CENPP: variants seen among roughly 807,000 people sequenced by gnomAD.
CENPP encodes centromere protein P.
In CENPP, 24 loss-of-function variants were observed where a neutral mutation model predicts 35.6. The ratio of observed to expected loss-of-function variants is 0.67; its 90% CI spans 0.49 to 0.95. The LOEUF is 0.95. Among genes scored for constraint, CENPP ranks in the 40% least tolerant of loss-of-function variants. CENPP has a pLI of 0.00. For synonymous variants in CENPP, 120 were observed against 125.5 expected (o/e 0.96, Z 0.29); for missense variants, 332 against 345.3 (o/e 0.96, Z 0.31).
rs190326542 is a variant in CENPP at position 92,620,190 on chromosome 9, T to C, written c.*7041T>C. 3.2e-5 allele frequency: 5 copies of C among 155,908 alleles called. No homozygotes were observed. The highest frequency in any genetic ancestry group is 1.2e-4 in the African/African-American group (5 of 41,654). 9.7% of individuals were successfully genotyped at this position (155,908 alleles called of 1,614,324 possible). A position where few individuals can be genotyped will look rare whatever the true frequency, so the allele number is the denominator to read the frequency against. On this transcript the variant is annotated 3_prime_UTR_variant, in exon 8 of 8. Transcript: ENST00000375587. ...TTGTCTGTCATGCCCTGCTTGTCAA[T>C]GGCAAGGCAGGGACTCAAACCCGGT...
intron 5 of CENPP, among the ~76,000 whole-genome samples, chr9:92,556,667 G>T (rs569485815): frequency 1.3e-5 from 2 of 152,166 alleles, no homozygotes; most frequent in African/African-American, 2.4e-5. Flanking sequence ...GCTCACTTTT[G>T]GTGTCTATTT....
chr9:92,589,176 CAA>C (rs112816928), intron 5 of CENPP, among the ~76,000 whole-genome samples: 4 of 140,682 alleles, frequency 2.8e-5, no homozygotes, highest in Non-Finnish European at 1.6e-5. Flanking sequence ...AAAAATACAC[CAA>C]AAAAAAAAAA....
intron 4 of CENPP, among the ~76,000 whole-genome samples, chr9:92,352,505 G>GTGTGTGTGTGTATATATATATATATA: frequency 8.0e-5 from 4 of 49,794 alleles, no homozygotes; most frequent in Admixed American, 4.7e-4. Flanking sequence ...GTGTGTGTGT[G>GTGTGTGTGTGTATATATATATATATA]TATACATATA....
At chr9:92,326,148 T>A in intron 1 of CENPP, 43 bp downstream of exon 1, 2 of 1,312,728 alleles carry the variant, frequency 1.5e-6, no homozygotes, top group Non-Finnish European at 2.1e-6. Flanking sequence ...CTGGCCAGGG[T>A]TCCCGGGCCA....
intron 3 of CENPP, among the ~76,000 whole-genome samples, chr9:92,343,624 C>T (rs1564268959): frequency 6.6e-6 from 1 of 152,028 alleles, no homozygotes; most frequent in Non-Finnish European, 1.5e-5. Flanking sequence ...AAATCCAATA[C>T]AGGGTGCTTC....
chr9:92,538,482 C>G (rs986788986), intron 5 of CENPP, among the ~76,000 whole-genome samples: 4 of 152,026 alleles, frequency 2.6e-5, no homozygotes, highest in African/African-American at 9.7e-5. Flanking sequence ...ATAAGAATAA[C>G]TTAAAAAGAA....
At chr9:92,440,026 AAAT>A (rs1158358025) in intron 5 of CENPP, among the ~76,000 whole-genome samples, 1 of 152,142 alleles carries the variant, frequency 6.6e-6, no homozygotes, top group African/African-American at 2.4e-5. Context: ...TTCCAGAAAG[AAAT>A]AATTCATGTT....
rs149679891 is a variant in CENPP, at chr9:92,421,603, T to C, written c.564+41744T>C. Among the ~76,000 whole-genome samples, 282 of 152,366 alleles carry C rather than the reference T, an allele frequency of 1.9e-3. 2 individuals are homozygous for C. The highest frequency in any genetic ancestry group is 2.8e-3 in the Admixed American group (43 of 15,300). ...ATTCACCTAGTGTACTCTACTACTT[T>C]ACTGTATGTAAACATGCTTAGTGAA... On this transcript the variant is annotated intron_variant, in intron 5 of 7. Transcript: ENST00000375587.
chr9:92,510,051 C>A, intron 5 of CENPP: 1 of 1,584,094 alleles, frequency 6.3e-7, no homozygotes, highest in South Asian at 1.2e-5. Flanking sequence ...AAGCAAATCT[C>A]AAAGTTACTT....
chr9:92,580,691 CTTTT>C (rs1169008228), intron 5 of CENPP, among the ~76,000 whole-genome samples: 2 of 148,734 alleles, frequency 1.3e-5, no homozygotes, highest in East Asian at 4.0e-4. Flanking sequence ...ATTCTTCTCT[CTTTT>C]TTTCTTTATT....
At chr9:92,469,182 TCTGA>T (rs1395951948) in intron 5 of CENPP, among the ~76,000 whole-genome samples, 1 of 151,658 alleles carries the variant, frequency 6.6e-6, no homozygotes, top group African/African-American at 2.4e-5. Context: ...TTGTGTCATT[TCTGA>T]CTGTCTTAAT....
intron 5 of CENPP, among the ~76,000 whole-genome samples, chr9:92,550,936 C>T (rs1849574089): frequency 6.6e-6 from 1 of 152,182 alleles, no homozygotes; most frequent in Admixed American, 6.5e-5. Flanking sequence ...CTTTCCCCAG[C>T]TCCATATGAG....
intron 5 of CENPP, among the ~76,000 whole-genome samples, chr9:92,454,255 A>C (rs1844805564): frequency 6.6e-6 from 1 of 152,064 alleles, no homozygotes; most frequent in African/African-American, 2.4e-5. Context: ...ACAAACATAA[A>C]CCTCAGTGAA....
rs1841106983 is a variant in CENPP at position 92,341,216 on chromosome 9, A to G, written c.378+3587A>G. On this transcript the variant is annotated intron_variant, in intron 3 of 7. Coordinates refer to ENST00000375587, the MANE Select transcript of CENPP (RefSeq NM_001012267.3). ...TCTCAAAACCCTGTCTCCTGATAAG[A>G]TGTTATCAATGACAATGGTACCTGA... Among the ~76,000 whole-genome samples the G allele has an allele frequency of 7.9e-5, 12 of 152,308 alleles. No homozygotes were observed. In the South Asian group the frequency reaches 2.5e-3, roughly 32 times the overall value.
Position 92,394,607 on chromosome 9 carries a change from T to C in CENPP, c.564+14748T>C, listed in dbSNP as rs182760426. ...ACATGTCAAATTTTATTTTTTGAAT[T>C]TTTTTTCTTTTTTTTGAGATGAAGT... On this transcript the variant is annotated intron_variant, in intron 5 of 7. Coordinates refer to ENST00000375587, the MANE Select transcript of CENPP (RefSeq NM_001012267.3). Among the ~76,000 whole-genome samples the C allele has an allele frequency of 1.9e-3, 284 of 152,002 alleles. 2 individuals are homozygous for C. The highest frequency in any genetic ancestry group is 0.017 in the Middle Eastern group (5 of 292).
At chr9:92,549,085 C>T (rs1456961010) in intron 5 of CENPP, among the ~76,000 whole-genome samples, 1 of 152,140 alleles carries the variant, frequency 6.6e-6, no homozygotes, top group African/African-American at 2.4e-5. Context: ...AAATACTCAT[C>T]ACATGTAGCT....
At chr9:92,417,371 A>G in intron 5 of CENPP, 1 of 1,614,104 alleles carries the variant, frequency 6.2e-7, no homozygotes, top group East Asian at 2.2e-5. Context: ...GCATTCACTG[A>G]CACAGCCTAA....
At chr9:92,523,024 G>T in intron 5 of CENPP, 1 of 859,674 alleles carries the variant, frequency 1.2e-6, no homozygotes, top group South Asian at 2.0e-5. Flanking sequence ...TGGACTATAT[G>T]CTATAGTATT....
intron 5 of CENPP, chr9:92,514,601 C>T (rs774473020): frequency 6.5e-7 from 1 of 1,534,432 alleles, no homozygotes; most frequent in Non-Finnish European, 8.8e-7. Flanking sequence ...TTTTAAAGCA[C>T]AAAATAAAGC....
Sources: gnomAD v4.1 joint callset for allele counts (sites outside exome capture counted in the v4.1 genomes callset) on GRCh38, gnomAD v4.1.1 for gene constraint, MANE v1.5 for transcripts, NCBI Gene and HGNC (gene_info 2026-07-23, HGNC 2026-07-21) for gene names.